The following KLHL32 variants were observed in gnomAD, a reference collection of about 807,000 sequenced individuals.
KLHL32 encodes kelch like family member 32, also known as kelch-like protein 32.
Under a neutral mutation model 64.8 loss-of-function variants are expected in KLHL32, and 35 were observed. That is an observed-to-expected ratio of 0.54 (90% CI 0.41 to 0.72). KLHL32 has a LOEUF of 0.72. KLHL32 is among the 30% of genes least tolerant of loss of function. KLHL32 has a pLI of 0.00. For synonymous variants in KLHL32, 259 were observed against 281.0 expected (o/e 0.92, Z 0.78); for missense variants, 589 against 768.5 (o/e 0.77, Z 2.76).
intron 10 of KLHL32, among the ~76,000 whole-genome samples, chr6:97,133,689 T>C (rs1367545680): frequency 2.0e-5 from 3 of 152,212 alleles, no homozygotes; most frequent in Non-Finnish European, 2.9e-5. Flanking sequence ...TTCATAATAT[T>C]GTCTCTTCTT....
At chr6:96,916,816 CTATT>C in the KLHL32 span, among the ~76,000 whole-genome samples, 3 of 152,198 alleles carry the variant, frequency 2.0e-5, no homozygotes, top group African/African-American at 7.2e-5. Context: ...AGATTATATA[CTATT>C]TATTCTTTCC....
At chr6:97,021,231 A>G (rs1781945476) in intron 3 of KLHL32, among the ~76,000 whole-genome samples, 2 of 150,704 alleles carry the variant, frequency 1.3e-5, no homozygotes, top group Admixed American at 6.6e-5. Flanking sequence ...ACGTGGGTAA[A>G]TTGTGTGTCA....
intron 6 of KLHL32, among the ~76,000 whole-genome samples, chr6:97,106,674 G>A (rs535858067): frequency 6.6e-6 from 1 of 151,812 alleles, no homozygotes; most frequent in East Asian, 1.9e-4. Context: ...AGCCTGGGAG[G>A]CAGAAGTCGT....
chr6:96,981,244 A>G (rs1446235543), intron 3 of KLHL32, among the ~76,000 whole-genome samples: 1 of 152,162 alleles, frequency 6.6e-6, no homozygotes, highest in Non-Finnish European at 1.5e-5. Context: ...GGAACTTCTT[A>G]TTGGTCTGTA....
intron 7 of KLHL32, among the ~76,000 whole-genome samples, chr6:97,120,500 A>G (rs1259664381): frequency 6.6e-6 from 1 of 152,190 alleles, no homozygotes; most frequent in African/African-American, 2.4e-5. Context: ...CTGTCGTTTT[A>G]TGGTGCTCAG....
chr6:97,022,643 T>C (rs1782164446), intron 3 of KLHL32, among the ~76,000 whole-genome samples: 1 of 151,206 alleles, frequency 6.6e-6, no homozygotes, highest in Admixed American at 6.6e-5. Context: ...CTAATTTTTG[T>C]ATTTTTAGTA....
the KLHL32 span, among the ~76,000 whole-genome samples, chr6:96,908,080 G>A: frequency 6.6e-5 from 10 of 152,216 alleles, no homozygotes; most frequent in Admixed American, 6.5e-4. Flanking sequence ...GTGTACTGGT[G>A]TTGTGCCTTC....
intron 3 of KLHL32, chr6:96,999,521 G>A (rs1317303646): frequency 6.2e-6 from 6 of 975,462 alleles, no homozygotes; most frequent in Non-Finnish European, 7.3e-6. Context: ...GAATTTTGAA[G>A]TGAACAATTC....
At chr6:97,061,850 C>T (rs566443926) in intron 4 of KLHL32, among the ~76,000 whole-genome samples, 14 of 152,042 alleles carry the variant, frequency 9.2e-5, no homozygotes, top group Non-Finnish European at 1.9e-4. Flanking sequence ...ACACAAATTC[C>T]CTGGAAAAAT....
At chr6:97,050,119 T>G (rs2128135283) in intron 4 of KLHL32, among the ~76,000 whole-genome samples, 1 of 152,358 alleles carries the variant, frequency 6.6e-6, no homozygotes, top group African/African-American at 2.4e-5. Flanking sequence ...AAAATGTCTC[T>G]GTGCAAAGAA....
chr6:97,101,404 A>G (rs1249326986), intron 6 of KLHL32, among the ~76,000 whole-genome samples: 1 of 152,206 alleles, frequency 6.6e-6, no homozygotes, highest in Non-Finnish European at 1.5e-5. Context: ...ATAAGCCTCG[A>G]GTTTTATGAT....
chr6:97,022,470 A>ATTT (rs145998879), intron 3 of KLHL32, among the ~76,000 whole-genome samples: 3,068 of 138,946 alleles, frequency 0.022, 287 homozygotes, highest in African/African-American at 0.082. Flanking sequence ...ATAACACCTA[A>ATTT]TTTTTTTTTT....
chr6:96,990,732 A>C (rs898564294), intron 3 of KLHL32, among the ~76,000 whole-genome samples: 1 of 149,540 alleles, frequency 6.7e-6, no homozygotes, highest in Non-Finnish European at 1.5e-5. Flanking sequence ...AGAGTTGGGC[A>C]GCTGTGTTAT....
chr6:96,905,427 C>T, the KLHL32 span, among the ~76,000 whole-genome samples: 1 of 152,196 alleles, frequency 6.6e-6, no homozygotes, highest in Non-Finnish European at 1.5e-5. Context: ...CCCTTTGTAA[C>T]TGTCTCTGAT....
At chr6:96,941,991 A>C (rs1771347104) in intron 1 of KLHL32, among the ~76,000 whole-genome samples, 1 of 152,212 alleles carries the variant, frequency 6.6e-6, no homozygotes, top group Admixed American at 6.5e-5. Flanking sequence ...AGAATGCAGA[A>C]AAAGACTGGC....
At chr6:96,931,847 A>G (rs921995456) in intron 1 of KLHL32, among the ~76,000 whole-genome samples, 3 of 152,072 alleles carry the variant, frequency 2.0e-5, no homozygotes, top group African/African-American at 7.2e-5. Context: ...TCTGCATCAC[A>G]TTCACAGACC....
At chr6:96,983,227 A>T (rs1477202153) in intron 3 of KLHL32, among the ~76,000 whole-genome samples, 1 of 152,282 alleles carries the variant, frequency 6.6e-6, no homozygotes, top group Admixed American at 6.5e-5. Flanking sequence ...CCAGGGATGA[A>T]GCCCACTTGA....
At chr6:96,923,656 A>G (rs548151301), upstream of KLHL32, among the ~76,000 whole-genome samples, 3 of 152,344 alleles carry the variant, frequency 2.0e-5, no homozygotes, top group Admixed American at 2.0e-4. Flanking sequence ...GGACACCTCA[A>G]AATAGATCAG....
intron 3 of KLHL32, among the ~76,000 whole-genome samples, chr6:97,034,738 C>A (rs1230772402): frequency 2.0e-5 from 3 of 151,870 alleles, no homozygotes; most frequent in Non-Finnish European, 4.4e-5. Flanking sequence ...TACATGTATG[C>A]CTAAGTATTT....
Sources: gnomAD v4.1 joint callset for allele counts (sites outside exome capture counted in the v4.1 genomes callset) on GRCh38, gnomAD v4.1.1 for gene constraint, MANE v1.5 for transcripts, NCBI Gene and HGNC (gene_info 2026-07-23, HGNC 2026-07-21) for gene names.